Variants in RYR2 observed in about 807,000 individuals in gnomAD.
RYR2 encodes cardiac muscle ryanodine receptor-calcium release channel.
Under a neutral mutation model 601.1 loss-of-function variants are expected in RYR2, and 227 were observed. The observed-to-expected ratio is 0.38, with a 90% confidence interval of 0.34 to 0.42. RYR2 has a LOEUF of 0.42. RYR2 is among the 10% of genes least tolerant of loss of function. RYR2 has a pLI of 1.00. For missense variants in RYR2, 4,646 were observed against 6,156.5 expected, an observed-to-expected ratio of 0.75 and a Z score of 8.21; for synonymous variants, 2,223 against 2,175.1, an observed-to-expected ratio of 1.02 and a Z score of -0.61.
At chr1:237,283,384 C>T (rs150529411) in intron 2 of RYR2, among the ~76,000 whole-genome samples, 27 of 152,234 alleles carry the variant, frequency 1.8e-4, no homozygotes, top group African/African-American at 6.5e-4. Flanking sequence ...CCTTTGACTG[C>T]GTAACTTGCT....
intron 2 of RYR2, among the ~76,000 whole-genome samples, chr1:237,292,370 A>G (rs1404182145): frequency 2.0e-5 from 3 of 152,254 alleles, no homozygotes; most frequent in Non-Finnish European, 4.4e-5. Context: ...ATTAGAATAT[A>G]TAAATGTGTG....
chr1:237,245,467 G>A (rs78861696), intron 1 of RYR2, among the ~76,000 whole-genome samples: 1 of 152,116 alleles, frequency 6.6e-6, no homozygotes, highest in South Asian at 2.1e-4. Context: ...AGAATACAGG[G>A]TGAGAACGCG....
At position 237,501,997 on chromosome 1, in the gene RYR2, GT is replaced by G. The variant is rs1302035964; in HGVS notation, c.2396+1098del. Among the ~76,000 whole-genome samples the G allele has an allele frequency of 2.0e-5, 3 of 151,954 alleles. No homozygotes were observed. The East Asian group carries it at 5.8e-4, about 30-fold the overall frequency. On this transcript the variant is annotated intron_variant, in intron 21 of 104. Transcript: ENST00000366574. The stretch of plus-strand genomic sequence containing the variant: ...CTCTGCAAAAGTTTTGTTTTGTTTT[GT>G]TTTGTTTCTTTAGTTAGCACCTAGT...
intron 1 of RYR2, among the ~76,000 whole-genome samples, chr1:237,058,894 A>G (rs938562565): frequency 2.2e-4 from 34 of 152,218 alleles, no homozygotes; most frequent in Non-Finnish European, 4.6e-4. Context: ...GTGATAAAAA[A>G]AAAACCTGCC....
intron 50 of RYR2, 141 bp from the exon 51 acceptor site, chr1:237,651,270 T>C: frequency 1.5e-6 from 1 of 649,128 alleles, no homozygotes; most frequent in Non-Finnish European, 2.8e-6. Context: ...TGGTTAATCT[T>C]TGGACAAAGA....
chr1:237,519,523 T>A (rs994727046), intron 24 of RYR2, among the ~76,000 whole-genome samples: 1 of 152,218 alleles, frequency 6.6e-6, no homozygotes, highest in African/African-American at 2.4e-5. Flanking sequence ...CAGCAACATG[T>A]ATTGAAGAGT....
At chr1:237,732,577 G>A (rs1287068108) in intron 78 of RYR2, among the ~76,000 whole-genome samples, 2 of 152,172 alleles carry the variant, frequency 1.3e-5, no homozygotes, top group African/African-American at 4.8e-5. Flanking sequence ...GGCTAAGTGA[G>A]CCATCACCTC....
intron 17 of RYR2, among the ~76,000 whole-genome samples, chr1:237,481,120 A>ATATG (rs1255193855): frequency 0.095 from 14,041 of 147,760 alleles, 1,056 homozygotes; most frequent in African/African-American, 0.2. Context: ...ATATATATAT[A>ATATG]TATATACACA....
At chr1:237,047,563 C>G (rs921237327) in intron 1 of RYR2, among the ~76,000 whole-genome samples, 1 of 152,082 alleles carries the variant, frequency 6.6e-6, no homozygotes, top group South Asian at 2.1e-4. Context: ...ATGTAATTAT[C>G]TAGCTTCTCT....
At chr1:237,359,093 A>C (rs990993046) in intron 4 of RYR2, among the ~76,000 whole-genome samples, 18 of 152,208 alleles carry the variant, frequency 1.2e-4, no homozygotes, top group Middle Eastern at 3.4e-3. Flanking sequence ...CAGAAGTTGA[A>C]AATATCGTAA....
chr1:237,489,744 T>A (rs2150403125), intron 17 of RYR2, among the ~76,000 whole-genome samples: 1 of 152,320 alleles, frequency 6.6e-6, no homozygotes, highest in East Asian at 1.9e-4. Context: ...TCAAAAAACT[T>A]AACAGAGAAC....
At chr1:237,803,355 G>C (rs968500325) in intron 98 of RYR2, among the ~76,000 whole-genome samples, 1 of 150,364 alleles carries the variant, frequency 6.7e-6, no homozygotes, top group Non-Finnish European at 1.5e-5. Context: ...CCAGGCTGGA[G>C]TGCAGTGGCA....
chr1:237,481,649 G>T (rs564739279), intron 17 of RYR2, among the ~76,000 whole-genome samples: 1 of 152,006 alleles, frequency 6.6e-6, no homozygotes, highest in South Asian at 2.1e-4. Flanking sequence ...GATGCAATGC[G>T]TAAGTTATCA....
chr1:237,212,078 CT>C (rs34586128), intron 1 of RYR2, among the ~76,000 whole-genome samples: 16,322 of 149,658 alleles, frequency 0.11, 943 homozygotes, highest in East Asian at 0.2. Context: ...TTGTTTTTGA[CT>C]TTTTTTTTTT....
chr1:237,472,750 C>G (rs1660875272), intron 17 of RYR2, among the ~76,000 whole-genome samples: 1 of 151,312 alleles, frequency 6.6e-6, no homozygotes, highest in South Asian at 2.1e-4. Context: ...GGGCAAAAAC[C>G]CTGTGTAATA....
intron 79 of RYR2, among the ~76,000 whole-genome samples, chr1:237,738,756 G>T (rs746463218): frequency 1.3e-5 from 2 of 151,764 alleles, no homozygotes; most frequent in African/African-American, 2.4e-5. Context: ...CTTTTTCGTT[G>T]ATAGACTTTT....
intron 1 of RYR2, among the ~76,000 whole-genome samples, chr1:237,043,202 T>A (rs553502912): frequency 1.2e-4 from 18 of 152,288 alleles, no homozygotes; most frequent in African/African-American, 4.1e-4. Flanking sequence ...GTCGCCTCCG[T>A]GGTCCCCGCG....
chr1:237,469,216 G>C (rs1295636211), intron 17 of RYR2, 29 bp downstream of exon 17: 1 of 859,274 alleles, frequency 1.2e-6, no homozygotes, highest in Non-Finnish European at 1.7e-6. Context: ...TCCTTGTTGT[G>C]ATAGATCACT....
chr1:237,150,832 G>T (rs1247427747), intron 1 of RYR2, among the ~76,000 whole-genome samples: 1 of 152,130 alleles, frequency 6.6e-6, no homozygotes, highest in Non-Finnish European at 1.5e-5. Context: ...GGTTTCAAAA[G>T]CTTTAATTTT....
Sources: gnomAD v4.1 joint callset for allele counts (sites outside exome capture counted in the v4.1 genomes callset) on GRCh38, gnomAD v4.1.1 for gene constraint, MANE v1.5 for transcripts, NCBI Gene and HGNC (gene_info 2026-07-23, HGNC 2026-07-21) for gene names.